SBNO2: variants seen among roughly 807,000 people sequenced by gnomAD.
The protein encoded by SBNO2 is strawberry notch homolog 2.
SBNO2 carries 89 observed loss-of-function variants against 146.3 expected under a neutral mutation model. That is an observed-to-expected ratio of 0.61 (90% CI 0.51 to 0.73). SBNO2 has a LOEUF of 0.73. Ranked by LOEUF, SBNO2 falls within the 30% of genes least tolerant of loss-of-function variation. SBNO2 has a pLI of 0.00. For missense variants in SBNO2, 2,092 were observed against 2,003.7 expected (o/e 1.04, Z -0.84); for synonymous variants, 1,147 against 892.6 (o/e 1.29, Z -5.08).
Position 1,108,307 on chromosome 19 carries a change from C to T in SBNO2, c.4014G>A (p.Gly1338=), listed in dbSNP as rs1219641847. The change falls in exon 32 of 32, where the codon GGG becomes GGA. Residue 1338 remains glycine, a synonymous_variant. Coordinates refer to ENST00000361757, the MANE Select transcript of SBNO2 (RefSeq NM_014963.3). ...GACCACCGCCCGCCGCGCCCCCCGC[C>T]CCCGCGCCCTCCCCCAGCGCGCCCT... ...PSEGALGEGA[G]AGGAAGGGPE... is the part of the protein sequence containing the mutation. 1 of 1,462,890 alleles carries T rather than the reference C, an allele frequency of 6.8e-7. No individual in the cohort carries two copies. Among genetic ancestry groups the T allele is most frequent in the East Asian group, 3.1e-5 (1 of 32,052 alleles). 90.6% of individuals were successfully genotyped at this position (1,462,890 alleles called of 1,614,324 possible). A position where few individuals can be genotyped will look rare whatever the true frequency, so the allele number is the denominator to read the frequency against.
At chr19:1,147,775 TC>T (rs908623780) in intron 3 of SBNO2, among the ~76,000 whole-genome samples, 5 of 151,368 alleles carry the variant, frequency 3.3e-5, no homozygotes, top group African/African-American at 9.7e-5. Flanking sequence ...TGGCCATCCC[TC>T]CCCCACACAC....
chr19:1,155,655 A>C (rs1360227192), intron 1 of SBNO2, among the ~76,000 whole-genome samples: 1 of 152,174 alleles, frequency 6.6e-6, no homozygotes. Flanking sequence ...ATAACCTCAG[A>C]CACCCAAGCT....
At position 1,112,059 on chromosome 19, in the gene SBNO2, C is replaced by A; in HGVS notation, c.2637G>T (p.Leu879=). 1 of 1,612,470 alleles carries A rather than the reference C, an allele frequency of 6.2e-7. No homozygotes were observed. The highest frequency in any genetic ancestry group is 8.5e-7 in the Non-Finnish European group (1 of 1,179,746). The change falls in exon 23 of 32, where the codon CTG becomes CTT. Residue 879 remains leucine, a synonymous_variant. Transcript: ENST00000361757. This position sits in a 1 kb window ranked among gnomAD's most constrained non-coding sequence, Gnocchi z 5.9. ...CCGTGGCGCGGCGGTCTCCGTGGGT[C>A]AGGGCCCCCTGCCAGGGGTGGGGAG... ...VAKRLESLGA[L]THGDRRATES...
At chr19:1,111,873 C>T in intron 23 of SBNO2, 123 bp downstream of exon 23, 1 of 1,031,730 alleles carries the variant, frequency 9.7e-7, no homozygotes, top group Non-Finnish European at 1.4e-6. Context: ...CCCGGCCCTC[C>T]TCCAGACCAC....
chr19:1,123,309 C>T (rs1327181248), intron 7 of SBNO2, among the ~76,000 whole-genome samples: 29 of 152,080 alleles, frequency 1.9e-4, no homozygotes, highest in Admixed American at 1.9e-3. Flanking sequence ...GGGGCAAATG[C>T]ATAAAAATCC....
intron 3 of SBNO2, among the ~76,000 whole-genome samples, chr19:1,147,641 G>A (rs997584146): frequency 3.9e-5 from 6 of 152,016 alleles, no homozygotes; most frequent in African/African-American, 1.2e-4. Flanking sequence ...GACACAGCCC[G>A]GCAGAGCTCC....
rs113462489 is a variant in SBNO2, at chr19:1,126,200, C to T, written c.441+1404G>A. Among the ~76,000 whole-genome samples the T allele has an allele frequency of 9.9e-5, 15 of 152,268 alleles. No individual in the cohort carries two copies. Among genetic ancestry groups the T allele is most frequent in the African/African-American group, 3.6e-4 (15 of 41,562 alleles). ...GCATTTTCTAACACTAGGAACACTC[C>T]TGAGGGTTTTTAAAGAAAGTGGAAG... On this transcript the variant is annotated intron_variant, in intron 5 of 31. Coordinates refer to ENST00000361757, the MANE Select transcript of SBNO2 (RefSeq NM_014963.3). This position sits in a 1 kb window ranked among gnomAD's most constrained non-coding sequence, Gnocchi z 4.4.
intron 4 of SBNO2, among the ~76,000 whole-genome samples, chr19:1,134,986 C>T (rs571247236): frequency 3.6e-5 from 5 of 138,272 alleles, no homozygotes. Context: ...GCAGAGGTTA[C>T]AGTGAGCTGA....
chr19:1,124,109 TC>T, intron 5 of SBNO2, 87 bp from the exon 6 acceptor site: 1 of 1,267,492 alleles, frequency 7.9e-7, no homozygotes, highest in Non-Finnish European at 1.1e-6. Context: ...AGAGGGAGGC[TC>T]CCCACTGCCC....
chr19:1,130,339 A>G (rs2080014231), intron 4 of SBNO2, among the ~76,000 whole-genome samples: 1 of 152,096 alleles, frequency 6.6e-6, no homozygotes, highest in Non-Finnish European at 1.5e-5. Context: ...AACAGTTTGA[A>G]AAGTTAAAGT....
At chr19:1,138,558 T>C (rs1156335855) in intron 4 of SBNO2, among the ~76,000 whole-genome samples, 2 of 152,010 alleles carry the variant, frequency 1.3e-5, no homozygotes, top group African/African-American at 2.4e-5. Context: ...ACTGGGAAGT[T>C]TGCACCCGTG....
rs2145288243 is a variant in SBNO2, at chr19:1,144,090, C to T, written c.279+3219G>A. Reference sequence around the variant, plus strand: ...CTCAGGTCTGGGCTCCTTCCTGGCTCCGCAGAACCACGCGGCCCAGCCCAC... The same window carrying T: ...CTCAGGTCTGGGCTCCTTCCTGGCTTCGCAGAACCACGCGGCCCAGCCCAC... On this transcript the variant is annotated intron_variant, in intron 4 of 31. Transcript: ENST00000361757. The surrounding 1 kb of genome is among the most constrained non-coding windows in gnomAD (Gnocchi z 4.1). 6.6e-6 allele frequency among the ~76,000 whole-genome samples: 1 copy of T among 152,338 alleles called. No individual in the cohort carries two copies. Among genetic ancestry groups the T allele is most frequent in the East Asian group, 1.9e-4 (1 of 5,188 alleles).
At chr19:1,121,499 T>G (rs1180818804) in intron 11 of SBNO2, among the ~76,000 whole-genome samples, 2 of 152,192 alleles carry the variant, frequency 1.3e-5, no homozygotes, top group Non-Finnish European at 2.9e-5. Flanking sequence ...CGTCCCTCCC[T>G]TATCTGAGCC....
At chr19:1,145,427 CGTGCCATTGCACTCCA>C (rs1420519744) in intron 4 of SBNO2, among the ~76,000 whole-genome samples, 1 of 147,610 alleles carries the variant, frequency 6.8e-6, no homozygotes, top group Admixed American at 6.8e-5. Context: ...GAGCCAAGAT[CGTGCCATTGCACTCCA>C]GCCTGAGCAA....
chr19:1,141,113 G>A (rs1276769990), intron 4 of SBNO2, among the ~76,000 whole-genome samples: 2 of 151,572 alleles, frequency 1.3e-5, no homozygotes, highest in Admixed American at 6.6e-5. Context: ...CGGAGAACAC[G>A]CGCCCCGGAG....
In SBNO2 at chr19:1,108,072, G is replaced by C; in HGVS notation, c.*148C>G. On this transcript the variant is annotated 3_prime_UTR_variant, in exon 32 of 32. Transcript: ENST00000361757. ...GGGCCCCGCCAGGGCTGACCAGGTGGGGGCCCGGGTCGGGCGCTGAAGGCA... is the reference window on the plus strand; with the variant it reads ...GGGCCCCGCCAGGGCTGACCAGGTGCGGGCCCGGGTCGGGCGCTGAAGGCA... 1.1e-6 allele frequency: 1 copy of C among 913,808 alleles called. No individual in the cohort carries two copies. The allele number at this position is 913,808 out of a possible 1,614,324, so 56.6% of individuals were successfully genotyped here.
intron 1 of SBNO2, among the ~76,000 whole-genome samples, 159 bp downstream of exon 1, chr19:1,174,013 G>A (rs1446355968): frequency 6.7e-6 from 1 of 148,460 alleles, no homozygotes; most frequent in Non-Finnish European, 1.5e-5. Flanking sequence ...GGGTCGCGGC[G>A]GAGGGCGGGG....
chr19:1,154,278 G>A lies in SBNO2; in HGVS notation c.-2C>T, dbSNP rs977767747. 5.1e-5 allele frequency: 64 copies of A among 1,262,698 alleles called. No individual in the cohort carries two copies. Among genetic ancestry groups the A allele is most frequent in the Middle Eastern group, 5.3e-4 (2 of 3,746 alleles). The allele number at this position is 1,262,698 out of a possible 1,614,324, so 78.2% of individuals were successfully genotyped here. ...CATGGCGGGCCCCACTGCAAGCATCGGGCGGCAGGCGGGGTGGGGTCCTCG... is the reference window on the plus strand; with the variant it reads ...CATGGCGGGCCCCACTGCAAGCATCAGGCGGCAGGCGGGGTGGGGTCCTCG... On this transcript the variant is annotated 5_prime_UTR_variant, in exon 2 of 32. Coordinates refer to ENST00000361757, the MANE Select transcript of SBNO2 (RefSeq NM_014963.3).
Position 1,109,437 on chromosome 19 carries a change from C to A in SBNO2, c.3217-14G>T. ...GTTACCGCGGACCTGCGGAGGGGGG[C>A]GTTGAGGCCGCGCCCCGGTCCGCCC... On this transcript the variant is annotated splice_polypyrimidine_tract_variant and intron_variant, in intron 28 of 31. Transcript: ENST00000361757. The surrounding 1 kb of genome is among the most constrained non-coding windows in gnomAD (Gnocchi z 4.2). The A allele has an allele frequency of 6.4e-7, 1 of 1,562,916 alleles. No individual in the cohort carries two copies. Among genetic ancestry groups the A allele is most frequent in the Middle Eastern group, 1.7e-4 (1 of 5,998 alleles).
Sources: gnomAD v4.1 joint callset for allele counts (sites outside exome capture counted in the v4.1 genomes callset) on GRCh38, gnomAD v4.1.1 for gene constraint, Gnocchi (gnomAD v3.1) non-coding constraint, MANE v1.5 for transcripts, NCBI Gene and HGNC (gene_info 2026-07-23, HGNC 2026-07-21) for gene names.